Variants in NBL1 observed in about 807,000 individuals in gnomAD.
NBL1 encodes the protein neuroblastoma suppressor of tumorigenicity 1.
Under a neutral mutation model 16.0 loss-of-function variants are expected in NBL1, and 9 were observed. The ratio of observed to expected loss-of-function variants is 0.56; its 90% CI spans 0.34 to 0.98. The LOEUF (loss-of-function observed/expected upper bound fraction) is 0.98. Ranked by LOEUF, NBL1 falls within the 50% of genes least tolerant of loss-of-function variation. The pLI, the probability that NBL1 is intolerant of heterozygous loss-of-function variation, is 0.02. For missense variants in NBL1, 196 were observed against 243.1 expected, an observed-to-expected ratio of 0.81 and a Z score of 1.29; for synonymous variants, 86 against 100.7, an observed-to-expected ratio of 0.85 and a Z score of 0.87.
intron 2 of NBL1, 34 bp downstream of exon 2, chr1:19,655,234 C>T: frequency 1.2e-6 from 2 of 1,606,014 alleles, no homozygotes; most frequent in Non-Finnish European, 8.5e-7. Flanking sequence ...GGGATGCGGA[C>T]AGGGGTCCAA....
intron 1 of NBL1, chr1:19,647,769 C>A: frequency 1.4e-6 from 1 of 696,292 alleles, no homozygotes; most frequent in Non-Finnish European, 1.8e-6. Flanking sequence ...AGAGCCCTGC[C>A]CTTTCCACCG....
Position 19,644,585 on chromosome 1 carries a change from C to G in NBL1, c.-20+139C>G, listed in dbSNP as rs942064785. 1.3e-5 allele frequency: 5 copies of G among 399,740 alleles called. No homozygotes were observed. The highest frequency in any genetic ancestry group is 8.6e-5 in the African/African-American group (4 of 46,402). The allele number at this position is 399,740 out of a possible 1,614,324, so 24.8% of individuals were successfully genotyped here. A position where few individuals can be genotyped will look rare whatever the true frequency, so the allele number is the denominator to read the frequency against. On this transcript the variant is annotated intron_variant, in intron 1 of 3. Transcript: ENST00000375136. This position sits in a 1 kb window ranked among gnomAD's most constrained non-coding sequence, Gnocchi z 4.6. ...GGGCACCGGGTGGAGGCGCCGCCGCCGAGCTCAGGAGCCCTGGGGGACCTG... is the reference window on the plus strand; with the variant it reads ...GGGCACCGGGTGGAGGCGCCGCCGCGGAGCTCAGGAGCCCTGGGGGACCTG...
At chr1:19,651,154 T>C (rs1186851554) in intron 1 of NBL1, among the ~76,000 whole-genome samples, 1 of 152,208 alleles carries the variant, frequency 6.6e-6, no homozygotes, top group African/African-American at 2.4e-5. Context: ...GTGAACTTAT[T>C]TCTGGAGTCA....
chr1:19,655,455 C>T lies in NBL1; in HGVS notation c.282+20C>T. On this transcript the variant is annotated intron_variant, in intron 3 of 3. Transcript: ENST00000375136. ...GAGATTGTGAGTACTGCCTGCCTGC[C>T]CCACCCAGTCTCGGCCCGGAGCCTG... 1 of 1,613,054 alleles carries T rather than the reference C, an allele frequency of 6.2e-7. No individual in the cohort carries two copies. The highest frequency in any genetic ancestry group is 8.5e-7 in the Non-Finnish European group (1 of 1,179,562).
In NBL1 at chr1:19,657,115, G is replaced by A. The variant is rs1250468498; in HGVS notation, c.532G>A (p.Gly178Arg). 3 of 1,455,206 alleles carry A rather than the reference G, an allele frequency of 2.1e-6. No homozygotes were observed. The highest frequency in any genetic ancestry group is 2.8e-6 in the Non-Finnish European group (3 of 1,084,092). 90.1% of individuals were successfully genotyped at this position (1,455,206 alleles called of 1,614,324 possible). Residue 178 changes from glycine to arginine, a missense_variant, in exon 4 of 4, where the codon GGG (glycine) becomes AGG (arginine). Gly to Arg is a moderately radical substitution (Grantham distance 125). Coordinates refer to ENST00000375136, the MANE Select transcript of NBL1 (RefSeq NM_005380.8). ...TGGGGCCCCCCACACAGAGGAAGAG[G>A]GGGCTGAGGACTGAGGCCCCCCCAA... ...PPGAPHTEEE[G>R]AED
intron 1 of NBL1, chr1:19,645,882 C>A: frequency 6.5e-7 from 1 of 1,539,870 alleles, no homozygotes; most frequent in Non-Finnish European, 8.8e-7. Flanking sequence ...CCCACAACCT[C>A]AAGGGTCGGA....
intron 1 of NBL1, chr1:19,646,142 G>A: frequency 7.7e-7 from 1 of 1,303,186 alleles, no homozygotes; most frequent in South Asian, 1.4e-5. Context: ...TCCGCCCTCT[G>A]GACAGTTGAC....
chr1:19,644,807 C>T lies in NBL1; in HGVS notation c.-20+361C>T, dbSNP rs1339118505. On this transcript the variant is annotated intron_variant, in intron 1 of 3. Transcript: ENST00000375136. The surrounding 1 kb of genome is among the most constrained non-coding windows in gnomAD (Gnocchi z 4.6). Reference sequence around the variant, plus strand: ...GGGCCGGGCTCGCATGTCCCCCGGCCGTGCCCGGGCCTCGCCGCGCCGCGC... The same window carrying T: ...GGGCCGGGCTCGCATGTCCCCCGGCTGTGCCCGGGCCTCGCCGCGCCGCGC... Among the ~76,000 whole-genome samples the T allele has an allele frequency of 3.3e-5, 5 of 151,654 alleles. No individual in the cohort carries two copies. The highest frequency in any genetic ancestry group is 7.3e-5 in the African/African-American group (3 of 41,294).
At position 19,658,231 on chromosome 1, in the gene NBL1, G is replaced by C. The variant is rs558357600; in HGVS notation, c.*1102G>C. ...TTTAACCCTAGAAGGTGGGGACCTGGGGGGAGGGACAGGGCAGGCGGGCCC... is the reference window on the plus strand; with the variant it reads ...TTTAACCCTAGAAGGTGGGGACCTGCGGGGAGGGACAGGGCAGGCGGGCCC... On this transcript the variant is annotated 3_prime_UTR_variant, in exon 4 of 4. Coordinates refer to ENST00000375136, the MANE Select transcript of NBL1 (RefSeq NM_005380.8). 6.5e-6 allele frequency: 1 copy of C among 152,838 alleles called. No individual in the cohort carries two copies. The highest frequency in any genetic ancestry group is 2.4e-5 in the African/African-American group (1 of 41,452). The allele number at this position is 152,838 out of a possible 1,614,324, so 9.5% of individuals were successfully genotyped here.
upstream of NBL1, chr1:19,644,065 TC>T (rs1284337283): frequency 1.0e-6 from 1 of 974,436 alleles, no homozygotes; most frequent in East Asian, 1.2e-4. The surrounding 1 kb of genome is among the most constrained non-coding windows in gnomAD (Gnocchi z 4.6). Flanking sequence ...CGGCCAGGCG[TC>T]CCGGCCGCCC....
Position 19,658,037 on chromosome 1 carries a change from G to A in NBL1, c.*908G>A, listed in dbSNP as rs1222561769. 1.3e-5 allele frequency: 2 copies of A among 152,646 alleles called. No homozygotes were observed. Among genetic ancestry groups the A allele is most frequent in the Admixed American group, 6.5e-5 (1 of 15,278 alleles). The allele number at this position is 152,646 out of a possible 1,614,324, so 9.5% of individuals were successfully genotyped here. On this transcript the variant is annotated 3_prime_UTR_variant, in exon 4 of 4. Transcript: ENST00000375136. ...AAATATCGGATGGGTGTGGGAGTGA[G>A]GGGTTACCTCCCTCGCCCCAAGGTT...
Position 19,644,549 on chromosome 1 carries a change from C to T in NBL1, c.-20+103C>T, listed in dbSNP as rs2094965989. The T allele has an allele frequency of 1.4e-6, 1 of 701,832 alleles. No individual in the cohort carries two copies. Among genetic ancestry groups the T allele is most frequent in the African/African-American group, 2.0e-5 (1 of 50,082 alleles). The allele number at this position is 701,832 out of a possible 1,614,324, so 43.5% of individuals were successfully genotyped here. A position where few individuals can be genotyped will look rare whatever the true frequency, so the allele number is the denominator to read the frequency against. ...CCCGGAGCTGCGTCCCCCGGCGCGT[C>T]CGGCGGCCGCGGGCACCGGGTGGAG... On this transcript the variant is annotated intron_variant, in intron 1 of 3. Transcript: ENST00000375136. The surrounding 1 kb of genome is among the most constrained non-coding windows in gnomAD (Gnocchi z 4.6).
chr1:19,647,891 G>A (rs368401173), intron 1 of NBL1, among the ~76,000 whole-genome samples: 2,689 of 143,790 alleles, frequency 0.019, 75 homozygotes, highest in African/African-American at 0.066. Context: ...GTGCGTGTGC[G>A]CGCGTGTGTG....
rs754949992 is a variant in NBL1 at position 19,649,209 on chromosome 1, G to A, written c.-20+4763G>A. Among the ~76,000 whole-genome samples the A allele has an allele frequency of 6.6e-5, 10 of 152,066 alleles. No homozygotes were observed. In the Middle Eastern group the frequency reaches 0.01, roughly 155 times the overall value. On this transcript the variant is annotated intron_variant, in intron 1 of 3. Coordinates refer to ENST00000375136, the MANE Select transcript of NBL1 (RefSeq NM_005380.8). ...CAGTGTAAGCCCAAGCAGATTTCTTGGCCTCTCTGTGCCTCAGTTTCTTCA... is the reference window on the plus strand; with the variant it reads ...CAGTGTAAGCCCAAGCAGATTTCTTAGCCTCTCTGTGCCTCAGTTTCTTCA...
chr1:19,650,171 G>A (rs993780955), intron 1 of NBL1, among the ~76,000 whole-genome samples: 3 of 152,178 alleles, frequency 2.0e-5, no homozygotes, highest in African/African-American at 4.8e-5. Flanking sequence ...GGAGCAATGG[G>A]CTATGCCATA....
intron 1 of NBL1, among the ~76,000 whole-genome samples, chr1:19,651,008 A>T (rs2095021627): frequency 6.6e-6 from 1 of 151,996 alleles, no homozygotes; most frequent in African/African-American, 2.4e-5. Context: ...CTTTCCCATG[A>T]TCCCCTGGGG....
chr1:19,647,941 AG>A (rs1206821439), intron 1 of NBL1, among the ~76,000 whole-genome samples: 2 of 151,882 alleles, frequency 1.3e-5, no homozygotes, highest in Non-Finnish European at 2.9e-5. Flanking sequence ...GTGCATATAT[AG>A]GCATGCTTAT....
At position 19,645,096 on chromosome 1, in the gene NBL1, G is replaced by A. The variant is rs544415473; in HGVS notation, c.-20+650G>A. On this transcript the variant is annotated intron_variant, in intron 1 of 3. Coordinates refer to ENST00000375136, the MANE Select transcript of NBL1 (RefSeq NM_005380.8). ...GCCTCTCCCTGATCCCCCGCCCTCC[G>A]ATCCAGACAATCCCCCAGTGTCGGA... Among the ~76,000 whole-genome samples the A allele has an allele frequency of 9.2e-5, 14 of 152,228 alleles. No individual in the cohort carries two copies. The South Asian group carries it at 2.9e-3, about 32-fold the overall frequency.
chr1:19,643,517 G>C, upstream of NBL1: 2 of 1,497,132 alleles, frequency 1.3e-6, no homozygotes, highest in South Asian at 1.3e-5. This position sits in a 1 kb window ranked among gnomAD's most constrained non-coding sequence, Gnocchi z 4.7. Context: ...ACACAGAATA[G>C]AGAAGGTACG....
Sources: gnomAD v4.1 joint callset for allele counts (sites outside exome capture counted in the v4.1 genomes callset) on GRCh38, gnomAD v4.1.1 for gene constraint, Gnocchi (gnomAD v3.1) non-coding constraint, MANE v1.5 for transcripts, NCBI Gene and HGNC (gene_info 2026-07-23, HGNC 2026-07-21) for gene names.